Variants in TUSC3 observed in about 807,000 individuals in gnomAD.
The protein encoded by TUSC3 is dolichyl-diphosphooligosaccharide--protein glycosyltransferase subunit TUSC3.
In TUSC3, 45 loss-of-function variants were observed where a neutral mutation model predicts 44.8. The ratio of observed to expected loss-of-function variants is 1.00; its 90% CI spans 0.79 to 1.29. TUSC3 has a LOEUF of 1.29. Ranked by LOEUF, TUSC3 falls within the 50% of genes most tolerant of loss-of-function variation. The probability of loss-of-function intolerance (pLI) is 0.00; values close to 1 mark genes in which losing one functional copy is unlikely to be tolerated. For missense variants in TUSC3, 519 were observed against 437.9 expected, an observed-to-expected ratio of 1.19 and a Z score of -1.65; for synonymous variants, 212 against 152.9, an observed-to-expected ratio of 1.39 and a Z score of -2.85.
chr8:15,720,201 T>TACACACAC (rs60082069), intron 6 of TUSC3, among the ~76,000 whole-genome samples: 4,930 of 141,410 alleles, frequency 0.035, 110 homozygotes, highest in Middle Eastern at 0.055. Context: ...TATATATATA[T>TACACACAC]ACACACACAC....
intron 2 of TUSC3, among the ~76,000 whole-genome samples, chr8:15,512,880 A>G (rs1319808817): frequency 3.5e-5 from 5 of 143,576 alleles, no homozygotes; most frequent in Non-Finnish European, 7.5e-5. Context: ...GTGTATATAT[A>G]TATATACACA....
rs527817170 is a variant in TUSC3 at position 15,569,337 on chromosome 8, GA to G, written c.138+28773del. On this transcript the variant is annotated intron_variant, in intron 1 of 10. Transcript: ENST00000503731. ...AATACATGGGCAGTTTATTTTCATG[GA>G]AAATATATACTCCATAAATATAGAT... Among the ~76,000 whole-genome samples, 13 of 152,136 alleles carry G rather than the reference GA, an allele frequency of 8.5e-5. No homozygotes were observed. The South Asian group carries it at 2.7e-3, about 32-fold the overall frequency.
intron 6 of TUSC3, among the ~76,000 whole-genome samples, chr8:15,696,166 G>A (rs1809151773): frequency 6.6e-6 from 1 of 152,148 alleles, no homozygotes; most frequent in Admixed American, 6.5e-5. Context: ...GGCCTAGGAG[G>A]CAAAAATAGT....
chr8:15,478,453 A>C (rs556757258), intron 1 of TUSC3, among the ~76,000 whole-genome samples: 1 of 152,014 alleles, frequency 6.6e-6, no homozygotes, highest in Non-Finnish European at 1.5e-5. Flanking sequence ...AGAGGCCCCA[A>C]TGTGTGTTGT....
intron 9 of TUSC3, among the ~76,000 whole-genome samples, chr8:15,749,060 T>A (rs1181942962): frequency 6.6e-6 from 1 of 152,180 alleles, no homozygotes; most frequent in Non-Finnish European, 1.5e-5. Flanking sequence ...TTACAGTTGT[T>A]CAGCTTATGA....
chr8:15,776,624 C>T, the TUSC3 span, among the ~76,000 whole-genome samples: 9 of 152,078 alleles, frequency 5.9e-5, no homozygotes, highest in African/African-American at 1.9e-4. Context: ...GCTAGATCCT[C>T]GAATCAATTT....
chr8:15,566,330 A>C (rs1016518665), intron 1 of TUSC3, among the ~76,000 whole-genome samples: 2 of 152,084 alleles, frequency 1.3e-5, no homozygotes, highest in Non-Finnish European at 2.9e-5. Context: ...TTTTTCCTGG[A>C]GCTCAGAAAC....
At chr8:15,570,296 ACACACACT>A (rs1362955504) in intron 1 of TUSC3, among the ~76,000 whole-genome samples, 1 of 150,294 alleles carries the variant, frequency 6.7e-6, no homozygotes, top group Non-Finnish European at 1.5e-5. Context: ...ACACACACAC[ACACACACT>A]CTTACTGAAA....
chr8:15,771,023 G>A (rs1026985183), downstream of TUSC3, among the ~76,000 whole-genome samples: 3 of 152,132 alleles, frequency 2.0e-5, no homozygotes, highest in African/African-American at 4.8e-5. Flanking sequence ...CAAGAGAGAC[G>A]TGATTCAACA....
intron 1 of TUSC3, among the ~76,000 whole-genome samples, chr8:15,474,039 C>A (rs1800534241): frequency 6.6e-6 from 1 of 152,058 alleles, no homozygotes; most frequent in African/African-American, 2.4e-5. Flanking sequence ...AGACCTCCCG[C>A]CAGGAATGCA....
At chr8:15,588,940 C>G (rs1803709651) in intron 1 of TUSC3, among the ~76,000 whole-genome samples, 1 of 152,084 alleles carries the variant, frequency 6.6e-6, no homozygotes. Context: ...TAGCACCATG[C>G]TGTTTTGGTT....
At chr8:15,704,681 G>A (rs1423154904) in intron 6 of TUSC3, among the ~76,000 whole-genome samples, 3 of 151,698 alleles carry the variant, frequency 2.0e-5, no homozygotes, top group Non-Finnish European at 2.9e-5. Flanking sequence ...CACTGCCCCT[G>A]TGTCTGTCTG....
chr8:15,442,053 T>A (rs988426132), intron 1 of TUSC3, among the ~76,000 whole-genome samples: 12 of 152,216 alleles, frequency 7.9e-5, no homozygotes, highest in Admixed American at 5.2e-4. Flanking sequence ...TTCCTTTTTT[T>A]AAATGGCTTT....
At chr8:15,798,723 C>T in the TUSC3 span, among the ~76,000 whole-genome samples, 2 of 152,216 alleles carry the variant, frequency 1.3e-5, no homozygotes, top group South Asian at 2.1e-4. Context: ...CAGCCGGGAC[C>T]ACTAGGTTTG....
intron 2 of TUSC3, among the ~76,000 whole-genome samples, chr8:15,635,112 T>G (rs1289757719): frequency 6.6e-6 from 1 of 152,156 alleles, no homozygotes; most frequent in Non-Finnish European, 1.5e-5. Flanking sequence ...TTGGTTGAGT[T>G]TCCTCAAGGT....
chr8:15,633,841 A>C (rs1805937062), intron 2 of TUSC3, among the ~76,000 whole-genome samples: 1 of 152,156 alleles, frequency 6.6e-6, no homozygotes, highest in Admixed American at 6.5e-5. Flanking sequence ...GTTTTGTTTA[A>C]GCCATCCAGT....
intron 1 of TUSC3, among the ~76,000 whole-genome samples, chr8:15,438,058 T>C (rs1799972902): frequency 1.3e-5 from 2 of 152,170 alleles, no homozygotes; most frequent in South Asian, 4.1e-4. Flanking sequence ...ACCTGTGAAA[T>C]GAGGTTGTTG....
chr8:15,541,347 C>A (rs1192349333), intron 1 of TUSC3, among the ~76,000 whole-genome samples: 1 of 152,178 alleles, frequency 6.6e-6, no homozygotes, highest in Non-Finnish European at 1.5e-5. Flanking sequence ...GATCTAGCTG[C>A]TTCAGCAAAA....
the TUSC3 span, among the ~76,000 whole-genome samples, chr8:15,786,625 G>C: frequency 6.6e-6 from 1 of 151,996 alleles, no homozygotes; most frequent in Non-Finnish European, 1.5e-5. Context: ...AGGCACACTT[G>C]AAATATACAG....
Sources: allele counts gnomAD v4.1 joint callset (sites outside exome capture counted in the v4.1 genomes callset), GRCh38; gene constraint gnomAD v4.1.1; transcripts MANE v1.5; gene names NCBI Gene and HGNC (gene_info 2026-07-23, HGNC 2026-07-21).